WRN: variants seen among roughly 807,000 people sequenced by gnomAD.
The protein encoded by WRN is bifunctional 3'-5' exonuclease/ATP-dependent helicase WRN.
In WRN, 149 loss-of-function variants were observed where a neutral mutation model predicts 180.7. The observed-to-expected ratio is 0.82, with a 90% CI of 0.72 to 0.94. The LOEUF is 0.94. WRN is among the 40% of genes least tolerant of loss of function. The pLI is 0.00. For synonymous variants in WRN, 548 were observed against 568.9 expected (o/e 0.96, Z 0.52); for missense variants, 1,661 against 1,700.1 (o/e 0.98, Z 0.40).
intron 23 of WRN, among the ~76,000 whole-genome samples, chr8:31,125,897 A>G (rs1483741544): frequency 1.3e-5 from 2 of 151,278 alleles, no homozygotes; most frequent in Non-Finnish European, 2.9e-5. Flanking sequence ...GTGTTTGACC[A>G]AACAACTGAG....
At chr8:31,065,873 CT>C (rs1812675509) in intron 5 of WRN, among the ~76,000 whole-genome samples, 1 of 141,094 alleles carries the variant, frequency 7.1e-6, no homozygotes, top group Non-Finnish European at 1.6e-5. Flanking sequence ...CATAGAGTTT[CT>C]TTTCTTTTTT....
At chr8:31,147,590 C>CAG in intron 30 of WRN, 114 bp downstream of exon 30, 2 of 960,042 alleles carry the variant, frequency 2.1e-6, no homozygotes, top group Non-Finnish European at 1.6e-6. Context: ...TGGGAGGTGA[C>CAG]TCAGATTCCC....
intron 1 of WRN, among the ~76,000 whole-genome samples, chr8:31,044,342 CTTTT>C (rs34518426): frequency 1.3e-3 from 90 of 68,328 alleles, no homozygotes; most frequent in African/African-American, 4.4e-3. Context: ...GCCCGACCTT[CTTTT>C]TTTTTTTTTT....
chr8:31,128,553 G>A (rs1802015598), intron 23 of WRN, among the ~76,000 whole-genome samples: 1 of 152,128 alleles, frequency 6.6e-6, no homozygotes, highest in Admixed American at 6.6e-5. Context: ...AACATACATG[G>A]AATATTTCTA....
chr8:31,086,643 C>T (rs940390471), intron 11 of WRN, among the ~76,000 whole-genome samples: 5 of 151,708 alleles, frequency 3.3e-5, no homozygotes, highest in African/African-American at 1.2e-4. Context: ...CCCAGCTTTT[C>T]CAGTTAGTAT....
chr8:31,078,924 TAC>T (rs1243032131), intron 8 of WRN, among the ~76,000 whole-genome samples: 2 of 152,226 alleles, frequency 1.3e-5, no homozygotes, highest in African/African-American at 2.4e-5. Context: ...AATGAGCCCT[TAC>T]ACTCTTGATA....
rs564400348 is a variant in WRN at position 31,127,612 on chromosome 8, C to A, written c.2825+2612C>A. ...AAAAAAAACAAAAACAAAAAAAATA[C>A]AACCAACAAACAGTAACTTGCTGGT... On this transcript the variant is annotated intron_variant, in intron 23 of 34. Coordinates refer to ENST00000298139, the MANE Select transcript of WRN (RefSeq NM_000553.6). 2.0e-5 allele frequency among the ~76,000 whole-genome samples: 3 copies of A among 151,864 alleles called. No homozygotes were observed. In the South Asian group the frequency reaches 6.3e-4, roughly 32 times the overall value.
At chr8:31,167,431 T>G (rs1803944580) in intron 34 of WRN, among the ~76,000 whole-genome samples, 1 of 152,108 alleles carries the variant, frequency 6.6e-6, no homozygotes, top group South Asian at 2.1e-4. Flanking sequence ...GTTTAGTCCA[T>G]CTGTTTAGCT....
Position 31,167,039 on chromosome 8 carries a change from C to G in WRN, c.4000C>G (p.Leu1334Val), listed in dbSNP as rs1238461917. 2 of 1,612,654 alleles carry G rather than the reference C, an allele frequency of 1.2e-6. No homozygotes were observed. The highest frequency in any genetic ancestry group is 4.5e-5 in the East Asian group (2 of 44,848). The change falls in exon 34 of 35, where the codon CTA (leucine) becomes GTA (valine). Residue 1334 changes from leucine to valine, a missense_variant. Physicochemically the swap from Leu to Val is conservative, Grantham distance 32. Around this residue, in one of 3 missense-constraint regions of WRN, gnomAD observed 1,141 missense variants for 1,149.4 expected, o/e 0.99. Transcript: ENST00000298139. ...GTTTACAGATATGAGTAAAATTAGC[C>G]TAATCAGAATGTTAGTTCCTGAAAA... ...PVNSDMSKIS[L>V]IRMLVPENID...
At chr8:31,145,650 A>G (rs890724911) in intron 28 of WRN, among the ~76,000 whole-genome samples, 1 of 152,186 alleles carries the variant, frequency 6.6e-6, no homozygotes, top group East Asian at 1.9e-4. Context: ...TTATTTAAGA[A>G]ATACAGTTTG....
At chr8:31,159,110 G>A (rs1803505421) in intron 33 of WRN, among the ~76,000 whole-genome samples, 1 of 151,864 alleles carries the variant, frequency 6.6e-6, no homozygotes, top group African/African-American at 2.4e-5. Flanking sequence ...ACCAGCCTGA[G>A]CAACATAGTG....
At chr8:31,089,045 T>C (rs1218744066) in intron 13 of WRN, 80 bp downstream of exon 13, 8 of 1,257,380 alleles carry the variant, frequency 6.4e-6, no homozygotes, top group Non-Finnish European at 9.1e-6. Context: ...ACCTGTCTGC[T>C]TAACAGCAAC....
intron 1 of WRN, among the ~76,000 whole-genome samples, chr8:31,047,968 G>A (rs1216048411): frequency 6.6e-6 from 1 of 152,192 alleles, no homozygotes; most frequent in Non-Finnish European, 1.5e-5. Context: ...AGCAAAGAAC[G>A]TAGCTTTTAT....
intron 19 of WRN, among the ~76,000 whole-genome samples, chr8:31,112,057 T>G (rs896253780): frequency 6.6e-6 from 1 of 152,098 alleles, no homozygotes; most frequent in African/African-American, 2.4e-5. Flanking sequence ...CATATACTAT[T>G]TATTTTTATT....
chr8:31,060,195 TA>T (rs1310335238), intron 3 of WRN, among the ~76,000 whole-genome samples: 1 of 152,084 alleles, frequency 6.6e-6, no homozygotes, highest in Non-Finnish European at 1.5e-5. Context: ...AAACAAGTAA[TA>T]AGGAATTCAT....
At chr8:31,062,671 C>T (rs900151043) in intron 3 of WRN, among the ~76,000 whole-genome samples, 2 of 151,960 alleles carry the variant, frequency 1.3e-5, no homozygotes, top group Admixed American at 6.6e-5. Flanking sequence ...CCTTGGCCCC[C>T]CAAAGTGCTG....
Position 31,124,538 on chromosome 8 carries a change from A to T in WRN, c.2647A>T (p.Ile883Leu), listed in dbSNP as rs769510537. ...INLNRHLLTEIRNEKFRLYKL... is the reference protein window; with the variant it reads ...INLNRHLLTELRNEKFRLYKL... ...AATCGACAGGCACCTTCTTACTGAG[A>T]TACGTAATGAGAAGTTTCGATTATA... The change falls in exon 22 of 35, where the codon ATA becomes TTA. Residue 883 changes from isoleucine (I) to leucine (L), a missense_variant. By Grantham distance (5) the Ile-to-Leu change is conservative. Coordinates refer to ENST00000298139, the MANE Select transcript of WRN (RefSeq NM_000553.6). The T allele has an allele frequency of 3.1e-6, 5 of 1,612,474 alleles. No individual in the cohort carries two copies. In the Admixed American group the frequency reaches 5.0e-5, roughly 16 times the overall value.
In WRN at chr8:31,090,409, G is replaced by T. The variant is rs1022525509; in HGVS notation, c.1653-56G>T. 1.3e-5 allele frequency: 19 copies of T among 1,503,942 alleles called. No homozygotes were observed. In the African/African-American group the frequency reaches 2.6e-4, roughly 21 times the overall value. The allele number at this position is 1,503,942 out of a possible 1,614,324, so 93.2% of individuals were successfully genotyped here. ...TGAAAAATTGAATGGATTTTAATTT[G>T]TACCTTGGGTTTCTTATTAATAAAA... On this transcript the variant is annotated intron_variant, in intron 13 of 34. Transcript: ENST00000298139.
intron 24 of WRN, among the ~76,000 whole-genome samples, chr8:31,134,626 A>G (rs541310743): frequency 6.6e-6 from 1 of 152,336 alleles, no homozygotes; most frequent in African/African-American, 2.4e-5. Flanking sequence ...ATAAAAACAC[A>G]CTCATTAATT....
Sources: allele counts gnomAD v4.1 joint callset (sites outside exome capture counted in the v4.1 genomes callset), GRCh38; gene constraint gnomAD v4.1.1; regional missense constraint gnomAD v4.1.1; transcripts MANE v1.5; gene names NCBI Gene and HGNC (gene_info 2026-07-23, HGNC 2026-07-21).